The following FSTL4 variants were observed in gnomAD, a reference collection of about 807,000 sequenced individuals.
FSTL4 encodes follistatin like 4.
FSTL4 carries 28 observed loss-of-function variants against 78.2 expected under a neutral mutation model. That is an observed-to-expected ratio of 0.36 (90% CI 0.27 to 0.49). FSTL4 has a LOEUF of 0.49. Ranked by LOEUF, FSTL4 falls within the 20% of genes least tolerant of loss-of-function variation. FSTL4 has a pLI of 0.98. For missense variants in FSTL4, 922 were observed against 1,084.9 expected, an observed-to-expected ratio of 0.85 and a Z score of 2.11; for synonymous variants, 422 against 440.5, an observed-to-expected ratio of 0.96 and a Z score of 0.53.
intron 3 of FSTL4, among the ~76,000 whole-genome samples, chr5:133,490,119 A>G (rs1580742268): frequency 6.7e-6 from 1 of 148,464 alleles, no homozygotes; most frequent in Admixed American, 6.7e-5. Flanking sequence ...TAAGTCTCCC[A>G]TCTTTGCCTC....
chr5:133,509,129 T>G (rs147824045), intron 3 of FSTL4, among the ~76,000 whole-genome samples: 2,020 of 152,260 alleles, frequency 0.013, 48 homozygotes, highest in African/African-American at 0.046. Flanking sequence ...ATTTTCAAAA[T>G]GCAGGCCTAT....
the FSTL4 span, among the ~76,000 whole-genome samples, chr5:133,810,608 T>A: frequency 6.6e-6 from 1 of 152,296 alleles, no homozygotes; most frequent in East Asian, 1.9e-4. Flanking sequence ...AAGTGGGAAT[T>A]CTGGCCCACA....
chr5:133,407,197 C>T (rs566624143), intron 3 of FSTL4, among the ~76,000 whole-genome samples: 87 of 152,340 alleles, frequency 5.7e-4, no homozygotes, highest in African/African-American at 2.0e-3. Flanking sequence ...GGAAGCCCTG[C>T]TTGGATCTGT....
At chr5:133,485,622 A>G (rs558983061) in intron 3 of FSTL4, among the ~76,000 whole-genome samples, 2 of 152,338 alleles carry the variant, frequency 1.3e-5, no homozygotes, top group South Asian at 4.1e-4. Flanking sequence ...AGCAGGAGCC[A>G]TTGCAGCTGC....
chr5:133,822,116 T>C, the FSTL4 span, among the ~76,000 whole-genome samples: 1 of 152,206 alleles, frequency 6.6e-6, no homozygotes, highest in South Asian at 2.1e-4. Flanking sequence ...AATTATGTCT[T>C]TGATGTATGA....
the FSTL4 span, among the ~76,000 whole-genome samples, chr5:133,698,563 TGTGACCATTACATGCGATAATGC>T: frequency 1.3e-5 from 2 of 152,250 alleles, no homozygotes; most frequent in South Asian, 2.1e-4. Context: ...TGCAATAATG[TGTGACCATTACATGCGATAATGC>T]GTGACCATTA....
chr5:133,228,911 A>G (rs1305780354), intron 8 of FSTL4, among the ~76,000 whole-genome samples: 1 of 152,250 alleles, frequency 6.6e-6, no homozygotes, highest in Non-Finnish European at 1.5e-5. Flanking sequence ...AAGAAATGAG[A>G]GGCACAAATA....
the FSTL4 span, among the ~76,000 whole-genome samples, chr5:133,647,733 G>T: frequency 3.9e-5 from 6 of 152,102 alleles, no homozygotes; most frequent in African/African-American, 4.8e-5. Flanking sequence ...CCTTCTTAGG[G>T]TTTACTTAAT....
chr5:133,255,486 G>A (rs2126828945), intron 6 of FSTL4, among the ~76,000 whole-genome samples: 1 of 152,308 alleles, frequency 6.6e-6, no homozygotes, highest in Middle Eastern at 3.4e-3. Context: ...AAGTCAGTGT[G>A]GGTTGGTTGG....
intron 3 of FSTL4, among the ~76,000 whole-genome samples, chr5:133,501,858 T>C (rs1758504539): frequency 6.6e-6 from 1 of 152,062 alleles, no homozygotes; most frequent in Non-Finnish European, 1.5e-5. Context: ...ATGAGGCCAT[T>C]GGTGTGGGCC....
At chr5:133,740,278 CT>C in the FSTL4 span, among the ~76,000 whole-genome samples, 1 of 152,176 alleles carries the variant, frequency 6.6e-6, no homozygotes, top group Non-Finnish European at 1.5e-5. Context: ...ACACATCAAA[CT>C]CTAAGAGTGG....
intron 3 of FSTL4, among the ~76,000 whole-genome samples, chr5:133,459,624 C>T (rs1757555327): frequency 6.6e-6 from 1 of 152,084 alleles, no homozygotes; most frequent in African/African-American, 2.4e-5. Flanking sequence ...CAAAGCAAAA[C>T]CAAACAGACA....
At chr5:133,779,259 C>A in the FSTL4 span, among the ~76,000 whole-genome samples, 1 of 152,106 alleles carries the variant, frequency 6.6e-6, no homozygotes, top group Non-Finnish European at 1.5e-5. Context: ...GGTCCATTCT[C>A]GACATGGTGA....
chr5:133,594,719 G>A (rs1479467350), intron 2 of FSTL4, among the ~76,000 whole-genome samples: 1 of 152,172 alleles, frequency 6.6e-6, no homozygotes, highest in Non-Finnish European at 1.5e-5. Context: ...AGAACCAACA[G>A]AAATTTGACA....
chr5:133,771,802 A>G, the FSTL4 span, among the ~76,000 whole-genome samples: 1 of 152,158 alleles, frequency 6.6e-6, no homozygotes, highest in Non-Finnish European at 1.5e-5. Flanking sequence ...TCTTTAATGT[A>G]CATCAAGAGA....
intron 4 of FSTL4, among the ~76,000 whole-genome samples, chr5:133,324,782 C>A (rs1218844683): frequency 6.6e-6 from 1 of 152,242 alleles, no homozygotes; most frequent in Non-Finnish European, 1.5e-5. Context: ...AGGAGACAAT[C>A]CCAGCCACCC....
At chr5:133,515,422 C>T (rs1473956153) in intron 3 of FSTL4, among the ~76,000 whole-genome samples, 1 of 151,230 alleles carries the variant, frequency 6.6e-6, no homozygotes, top group Non-Finnish European at 1.5e-5. Flanking sequence ...AAAAAAACTT[C>T]CAAAATTTTT....
the FSTL4 span, among the ~76,000 whole-genome samples, chr5:133,772,336 G>T: frequency 1.3e-5 from 2 of 152,262 alleles, no homozygotes; most frequent in East Asian, 3.9e-4. Context: ...TGCAAATGTT[G>T]TAAAAATAAA....
chr5:133,841,934 A>T, the FSTL4 span, among the ~76,000 whole-genome samples: 1 of 152,206 alleles, frequency 6.6e-6, no homozygotes, highest in South Asian at 2.1e-4. Flanking sequence ...GGAAGCAGCA[A>T]AGGGGTCTAG....
Sources: gnomAD v4.1 joint callset for allele counts (sites outside exome capture counted in the v4.1 genomes callset) on GRCh38, gnomAD v4.1.1 for gene constraint, MANE v1.5 for transcripts, NCBI Gene and HGNC (gene_info 2026-07-23, HGNC 2026-07-21) for gene names.